The following ITGB6 variants were observed in gnomAD, a reference collection of about 807,000 sequenced individuals.
The protein encoded by ITGB6 is integrin beta-6.
A neutral mutation model predicts 84.5 loss-of-function variants in ITGB6; 80 were observed. The observed-to-expected ratio is 0.95, with a 90% CI of 0.79 to 1.14. The LOEUF is 1.14. Among genes scored for constraint, ITGB6 ranks in the 50% most tolerant of loss-of-function variants. The pLI, the probability that ITGB6 is intolerant of heterozygous loss-of-function variation, is 0.00. For missense variants in ITGB6, 1,006 were observed against 968.0 expected (o/e 1.04, Z -0.52); for synonymous variants, 383 against 354.9 (o/e 1.08, Z -0.89).
intron 4 of ITGB6, among the ~76,000 whole-genome samples, chr2:160,193,787 G>A (rs1442914552): frequency 1.3e-5 from 2 of 152,152 alleles, no homozygotes; most frequent in Non-Finnish European, 2.9e-5. Flanking sequence ...GGGGGAAAAA[G>A]GCCTAGATTC....
chr2:160,111,985 CT>C (rs1682538076), intron 13 of ITGB6, 94 bp downstream of exon 13: 2 of 1,291,172 alleles, frequency 1.5e-6, no homozygotes, highest in Non-Finnish European at 2.2e-6. Flanking sequence ...TTGGAAATGT[CT>C]TTCCTGGCAT....
intron 7 of ITGB6, among the ~76,000 whole-genome samples, chr2:160,163,216 T>C (rs943826644): frequency 8.5e-5 from 13 of 152,196 alleles, no homozygotes; most frequent in African/African-American, 2.7e-4. Context: ...TTAACAGCAA[T>C]AGGGAAGAAC....
chr2:160,143,589 C>T (rs769210971), intron 7 of ITGB6, among the ~76,000 whole-genome samples: 6 of 151,902 alleles, frequency 3.9e-5, no homozygotes, highest in Admixed American at 1.3e-4. Flanking sequence ...CTGTGTGCTA[C>T]GAAATTAGAT....
At chr2:160,115,878 G>A (rs1682742813) in intron 12 of ITGB6, among the ~76,000 whole-genome samples, 1 of 152,038 alleles carries the variant, frequency 6.6e-6, no homozygotes, top group Non-Finnish European at 1.5e-5. Flanking sequence ...GAAGCCTCAG[G>A]AACTGATGCG....
intron 4 of ITGB6, among the ~76,000 whole-genome samples, chr2:160,185,874 G>C (rs554695305): frequency 7.2e-5 from 11 of 152,266 alleles, no homozygotes; most frequent in African/African-American, 2.6e-4. Context: ...AATGGGGAAA[G>C]GATTCCCTAC....
In ITGB6 at chr2:160,138,188, A is replaced by C. The variant is rs772240587; in HGVS notation, c.1119T>G (p.Ser373=). Residue 373 remains serine, a synonymous_variant, in exon 9 of 15, where the codon TCT becomes TCG. Transcript: ENST00000283249. ...CTCCTAATACTTCCAGTTCCACCTC[A>C]GACCGCAGTTCCTTTAGTTACAACA... is the stretch of plus-strand genomic sequence containing the variant. The part of the protein sequence containing the change: ...LIISAYEELR[S]EVELEVLGDT... 2 of 1,609,070 alleles carry C rather than the reference A, an allele frequency of 1.2e-6. No homozygotes were observed. Among genetic ancestry groups the C allele is most frequent in the Middle Eastern group, 3.3e-4 (2 of 6,032 alleles).
intron 8 of ITGB6, among the ~76,000 whole-genome samples, chr2:160,140,254 T>C (rs1404096316): frequency 6.6e-6 from 1 of 152,228 alleles, no homozygotes; most frequent in Non-Finnish European, 1.5e-5. Flanking sequence ...GATTGTTTCA[T>C]TTAAGAATAA....
Position 160,199,991 on chromosome 2 carries a change from C to T in ITGB6, c.61+12G>A, listed in dbSNP as rs142746188. 4.9e-3 allele frequency: 7,903 copies of T among 1,605,158 alleles called. 19 individuals carry two copies. Among genetic ancestry groups the T allele is most frequent in the Non-Finnish European group, 5.9e-3 (6,960 of 1,172,562 alleles). On this transcript the variant is annotated intron_variant, in intron 1 of 14. Transcript: ENST00000283249. ...ACCACGAAAGTAATATATCAGAGAACGCAGGTCTTACCTTGTACGTGATCA... is the reference window on the plus strand; with the variant it reads ...ACCACGAAAGTAATATATCAGAGAATGCAGGTCTTACCTTGTACGTGATCA...
At chr2:160,123,023 C>T (rs1683101759) in intron 12 of ITGB6, among the ~76,000 whole-genome samples, 1 of 152,130 alleles carries the variant, frequency 6.6e-6, no homozygotes, top group Non-Finnish European at 1.5e-5. Flanking sequence ...TTAAATTCTC[C>T]CAGGTTGTCT....
At chr2:160,169,926 A>G (rs1339730126) in intron 6 of ITGB6, among the ~76,000 whole-genome samples, 1 of 152,198 alleles carries the variant, frequency 6.6e-6, no homozygotes, top group Non-Finnish European at 1.5e-5. Context: ...CCATTGGCAT[A>G]TTTGTTCCCA....
chr2:160,183,330 G>A (rs1685762714), intron 4 of ITGB6, among the ~76,000 whole-genome samples: 1 of 151,982 alleles, frequency 6.6e-6, no homozygotes, highest in South Asian at 2.1e-4. Flanking sequence ...AAAAAGCAGG[G>A]GTTACAATCC....
At chr2:160,149,124 A>T (rs1417767868) in intron 7 of ITGB6, among the ~76,000 whole-genome samples, 1 of 152,272 alleles carries the variant, frequency 6.6e-6, no homozygotes, top group East Asian at 1.9e-4. Context: ...TTGAGCTCTG[A>T]GAACAGACAG....
intron 13 of ITGB6, among the ~76,000 whole-genome samples, chr2:160,109,059 T>C (rs1016487476): frequency 1.7e-4 from 26 of 152,320 alleles, no homozygotes; most frequent in African/African-American, 6.0e-4. Context: ...TAAGTCTTAC[T>C]GCTTTTAGAT....
chr2:160,159,857 T>C (rs1210423991), intron 7 of ITGB6, among the ~76,000 whole-genome samples: 1 of 151,676 alleles, frequency 6.6e-6, no homozygotes, highest in East Asian at 1.9e-4. Context: ...TCGATAACAC[T>C]ATTAAAAGTT....
chr2:160,181,651 T>G (rs1685676831), intron 4 of ITGB6, among the ~76,000 whole-genome samples: 2 of 152,212 alleles, frequency 1.3e-5, no homozygotes, highest in Admixed American at 1.3e-4. Context: ...AGGGACAGAC[T>G]GCCTCCTCAA....
chr2:160,183,644 T>C (rs1304521230), intron 4 of ITGB6, among the ~76,000 whole-genome samples: 2 of 152,132 alleles, frequency 1.3e-5, no homozygotes, highest in African/African-American at 2.4e-5. Context: ...GCAGAACTAA[T>C]AGACATCTAC....
chr2:160,149,170 G>C (rs1452044197), intron 7 of ITGB6, among the ~76,000 whole-genome samples: 1 of 152,232 alleles, frequency 6.6e-6, no homozygotes, highest in Non-Finnish European at 1.5e-5. Flanking sequence ...TCCCCATGTA[G>C]CCTAACTGGG....
At position 160,126,023 on chromosome 2, in the gene ITGB6, T is replaced by A. The variant is rs369867095; in HGVS notation, c.1883+356A>T. 9.2e-5 allele frequency among the ~76,000 whole-genome samples: 14 copies of A among 152,310 alleles called. No individual in the cohort carries two copies. In the East Asian group the frequency reaches 2.3e-3, roughly 25 times the overall value. On this transcript the variant is annotated intron_variant, in intron 11 of 14. Transcript: ENST00000283249. ...CTGTTTCCCCTGAAAAGCTACTGAC[T>A]GCATGTGGGTGTCATCCGTCTACCT...
At chr2:160,122,315 C>A (rs1683075087) in intron 12 of ITGB6, among the ~76,000 whole-genome samples, 1 of 152,144 alleles carries the variant, frequency 6.6e-6, no homozygotes, top group African/African-American at 2.4e-5. Context: ...CTCAAAAAAA[C>A]CTGTGTACTT....
Sources: allele counts gnomAD v4.1 joint callset (sites outside exome capture counted in the v4.1 genomes callset), GRCh38; gene constraint gnomAD v4.1.1; transcripts MANE v1.5; gene names NCBI Gene and HGNC (gene_info 2026-07-23, HGNC 2026-07-21).